Variants in MALRD1 observed in about 807,000 individuals in gnomAD.
MALRD1 encodes MAM and LDL-receptor class A domain-containing protein 1.
In MALRD1, 247 loss-of-function variants were observed where a neutral mutation model predicts 242.1. The ratio of observed to expected loss-of-function variants is 1.02; its 90% CI spans 0.92 to 1.13. MALRD1 has a LOEUF of 1.13. Among genes scored for constraint, MALRD1 ranks in the 50% most tolerant of loss-of-function variants. The pLI, the probability that MALRD1 is intolerant of heterozygous loss-of-function variation, is 0.00. For synonymous variants in MALRD1, 995 were observed against 866.6 expected, an observed-to-expected ratio of 1.15 and a Z score of -2.60; for missense variants, 2,989 against 2,533.1, an observed-to-expected ratio of 1.18 and a Z score of -3.86.
At chr10:19,374,155 A>C (rs1468585469) in intron 26 of MALRD1, among the ~76,000 whole-genome samples, 1 of 152,220 alleles carries the variant, frequency 6.6e-6, no homozygotes, top group Non-Finnish European at 1.5e-5. Context: ...GCATATATAA[A>C]TACACATTAC....
intron 28 of MALRD1, among the ~76,000 whole-genome samples, chr10:19,446,680 T>C (rs1225401063): frequency 6.6e-6 from 1 of 152,208 alleles, no homozygotes; most frequent in African/African-American, 2.4e-5. Flanking sequence ...TCCATGCATA[T>C]ACTATATGTG....
At chr10:19,613,512 T>C (rs1681275145) in intron 35 of MALRD1, among the ~76,000 whole-genome samples, 1 of 152,018 alleles carries the variant, frequency 6.6e-6, no homozygotes, top group African/African-American at 2.4e-5. Flanking sequence ...AAATATCTCT[T>C]AAAAATTCAA....
At chr10:19,632,752 C>G (rs1169202724) in intron 36 of MALRD1, among the ~76,000 whole-genome samples, 1 of 152,030 alleles carries the variant, frequency 6.6e-6, no homozygotes, top group East Asian at 1.9e-4. Flanking sequence ...AACCAGAGGA[C>G]TCACCCAACA....
At chr10:19,531,047 T>C in intron 31 of MALRD1, 147 bp from the exon 32 acceptor site, 2 of 615,776 alleles carry the variant, frequency 3.2e-6, no homozygotes, top group Non-Finnish European at 5.2e-6. Context: ...GAAATGTTAT[T>C]GATATATGAC....
chr10:19,213,618 T>A (rs2583645), intron 18 of MALRD1, among the ~76,000 whole-genome samples: 70,495 of 152,104 alleles, frequency 0.46, 17,595 homozygotes, highest in South Asian at 0.68. Context: ...CTGATAACTC[T>A]GGCATCTTGA....
intron 36 of MALRD1, among the ~76,000 whole-genome samples, chr10:19,621,368 A>AAT (rs1467829978): frequency 6.7e-6 from 1 of 150,202 alleles, no homozygotes; most frequent in Non-Finnish European, 1.5e-5. Context: ...AAAAAAAAAA[A>AAT]AGTAAGAATC....
At chr10:19,463,599 C>G (rs749951495) in intron 29 of MALRD1, among the ~76,000 whole-genome samples, 6 of 122,320 alleles carry the variant, frequency 4.9e-5, no homozygotes, top group Non-Finnish European at 3.5e-5. Context: ...TGTATATACT[C>G]TTTCTTTATC....
At chr10:19,368,825 G>T (rs1411719800) in intron 26 of MALRD1, among the ~76,000 whole-genome samples, 1 of 148,976 alleles carries the variant, frequency 6.7e-6, no homozygotes, top group Admixed American at 6.8e-5. Context: ...ACTTCAATTC[G>T]CTTTTTCCTG....
At position 19,055,906 on chromosome 10, in the gene MALRD1, C is replaced by T. The variant is rs78547649; in HGVS notation, c.199+6769C>T. Among the ~76,000 whole-genome samples the T allele has an allele frequency of 3.9e-3, 592 of 152,122 alleles. 7 individuals are homozygous for T. The highest frequency in any genetic ancestry group is 0.013 in the African/African-American group (557 of 41,498). On this transcript the variant is annotated intron_variant, in intron 1 of 39. Coordinates refer to ENST00000454679, the MANE Select transcript of MALRD1 (RefSeq NM_001142308.3). ...CACCTATTGCGTACTATTCTTATTA[C>T]CTGGGTAGCAAAATAATCTACACAA... is the stretch of plus-strand genomic sequence containing the variant.
At chr10:19,050,189 G>A (rs1009107068) in intron 1 of MALRD1, among the ~76,000 whole-genome samples, 14 of 141,126 alleles carry the variant, frequency 9.9e-5, no homozygotes, top group East Asian at 2.2e-4. Context: ...CCGGGTTCAC[G>A]CCATTCTCCT....
At chr10:19,646,174 G>A (rs745939965) in intron 36 of MALRD1, among the ~76,000 whole-genome samples, 1 of 152,110 alleles carries the variant, frequency 6.6e-6, no homozygotes, top group Non-Finnish European at 1.5e-5. Context: ...TTCCTTTGCA[G>A]CAGTTCATTA....
intron 36 of MALRD1, among the ~76,000 whole-genome samples, chr10:19,684,281 T>G (rs1564539282): frequency 6.6e-6 from 1 of 152,238 alleles, no homozygotes; most frequent in Non-Finnish European, 1.5e-5. Flanking sequence ...TAATTCTGAC[T>G]TTGTAACATT....
intron 36 of MALRD1, among the ~76,000 whole-genome samples, chr10:19,680,577 T>G (rs1176974015): frequency 1.3e-5 from 2 of 152,146 alleles, no homozygotes; most frequent in African/African-American, 4.8e-5. Flanking sequence ...CGATGGGTCT[T>G]GACTCTGTAT....
At chr10:19,142,612 T>G (rs549468610) in intron 10 of MALRD1, among the ~76,000 whole-genome samples, 1 of 152,332 alleles carries the variant, frequency 6.6e-6, no homozygotes, top group Non-Finnish European at 1.5e-5. Flanking sequence ...TATCTCATAC[T>G]GCGCTTAGAG....
At chr10:19,493,982 A>G (rs968635506) in intron 30 of MALRD1, among the ~76,000 whole-genome samples, 3 of 152,144 alleles carry the variant, frequency 2.0e-5, no homozygotes, top group African/African-American at 7.2e-5. Context: ...ACTTGGACAA[A>G]TTCAAGCCTG....
chr10:19,384,360 A>G lies in MALRD1; in HGVS notation c.4442-3168A>G, dbSNP rs1469156323. On this transcript the variant is annotated intron_variant, in intron 26 of 39. Coordinates refer to ENST00000454679, the MANE Select transcript of MALRD1 (RefSeq NM_001142308.3). Reference sequence around the variant, plus strand: ...ATATAATTACTATATAATATATATTATATAGTATATAATATAATATTTACT... The same window carrying G: ...ATATAATTACTATATAATATATATTGTATAGTATATAATATAATATTTACT... Among the ~76,000 whole-genome samples the G allele has an allele frequency of 3.2e-5, 4 of 124,322 alleles. No individual in the cohort carries two copies. The East Asian group carries it at 8.4e-4, about 26-fold the overall frequency. The allele number at this position is 124,322 out of a possible 152,430, so 81.6% of individuals were successfully genotyped here.
chr10:19,211,585 G>A (rs1044224994), intron 18 of MALRD1, among the ~76,000 whole-genome samples: 9 of 148,526 alleles, frequency 6.1e-5, no homozygotes, highest in South Asian at 2.1e-4. Flanking sequence ...TACTTGGGAG[G>A]GTGAGGCAGG....
At position 19,350,747 on chromosome 10, in the gene MALRD1, A is replaced by G. The variant is rs74804611; in HGVS notation, c.4150-1259A>G. 2.0e-3 allele frequency among the ~76,000 whole-genome samples: 304 copies of G among 152,338 alleles called. 4 individuals carry two copies. The East Asian group carries it at 0.045, about 23-fold the overall frequency. On this transcript the variant is annotated intron_variant, in intron 25 of 39. Coordinates refer to ENST00000454679, the MANE Select transcript of MALRD1 (RefSeq NM_001142308.3). ...AAACGTATTTACTGAGACATAAAACATATGCCTCATATTTGTTGCACAAAT... is the reference window on the plus strand; with the variant it reads ...AAACGTATTTACTGAGACATAAAACGTATGCCTCATATTTGTTGCACAAAT...
At chr10:19,343,508 A>T (rs1187312197) in intron 24 of MALRD1, among the ~76,000 whole-genome samples, 1 of 152,080 alleles carries the variant, frequency 6.6e-6, no homozygotes, top group African/African-American at 2.4e-5. Context: ...CATTCCCATC[A>T]TCCCTAACCT....
Sources: gnomAD v4.1 joint callset for allele counts (sites outside exome capture counted in the v4.1 genomes callset) on GRCh38, gnomAD v4.1.1 for gene constraint, MANE v1.5 for transcripts, NCBI Gene and HGNC (gene_info 2026-07-23, HGNC 2026-07-21) for gene names.